The following ERC1 variants were observed in gnomAD, a reference collection of about 807,000 sequenced individuals.
ERC1 encodes RAB6 interacting protein 2.
A neutral mutation model predicts 132.0 loss-of-function variants in ERC1; 56 were observed. The ratio of observed to expected loss-of-function variants is 0.42; its 90% CI spans 0.34 to 0.53. The LOEUF (loss-of-function observed/expected upper bound fraction) is 0.53, where lower values mean the gene tolerates loss of function less well. Ranked by LOEUF, ERC1 falls within the 20% of genes least tolerant of loss-of-function variation. ERC1 has a pLI of 0.03. For missense variants in ERC1, 1,202 were observed against 1,349.9 expected (o/e 0.89, Z 1.72); for synonymous variants, 478 against 476.1 (o/e 1.00, Z -0.05).
chr12:1,240,680 G>A lies in ERC1; in HGVS notation c.2487+3776G>A, dbSNP rs542954713. Among the ~76,000 whole-genome samples the A allele has an allele frequency of 1.2e-4, 18 of 152,088 alleles. No homozygotes were observed. The South Asian group carries it at 3.5e-3, about 30-fold the overall frequency. On this transcript the variant is annotated intron_variant, in intron 13 of 18. Transcript: ENST00000360905. ...AGTTGGTTTCTTCTGTTTTTAAACTGAAGGTCATATAGCTTTGGTCGTATA... is the reference window on the plus strand; with the variant it reads ...AGTTGGTTTCTTCTGTTTTTAAACTAAAGGTCATATAGCTTTGGTCGTATA...
At chr12:1,389,446 TC>T (rs1337471980) in intron 16 of ERC1, among the ~76,000 whole-genome samples, 3 of 152,248 alleles carry the variant, frequency 2.0e-5, no homozygotes, top group Non-Finnish European at 4.4e-5. Flanking sequence ...CACAGGCCAT[TC>T]TTTTCATCCT....
chr12:1,130,487 G>T (rs1326145934), intron 7 of ERC1, among the ~76,000 whole-genome samples: 1 of 152,134 alleles, frequency 6.6e-6, no homozygotes, highest in Non-Finnish European at 1.5e-5. Flanking sequence ...GAGTTCCTTG[G>T]GGCTGCATAC....
At chr12:1,202,181 G>A (rs1282636689) in intron 12 of ERC1, among the ~76,000 whole-genome samples, 2 of 152,146 alleles carry the variant, frequency 1.3e-5, no homozygotes, top group Non-Finnish European at 2.9e-5. Context: ...AAAGCTTTTT[G>A]TAGTCAGTTC....
intron 12 of ERC1, among the ~76,000 whole-genome samples, chr12:1,211,999 G>T (rs1957925641): frequency 1.5e-5 from 1 of 65,422 alleles, no homozygotes; most frequent in Admixed American, 1.3e-4. Context: ...TGATGCAACA[G>T]TAGAGTAAGT....
At chr12:1,410,078 T>C (rs1221497165) in intron 17 of ERC1, among the ~76,000 whole-genome samples, 3 of 152,196 alleles carry the variant, frequency 2.0e-5, no homozygotes, top group Non-Finnish European at 2.9e-5. Flanking sequence ...GTGTAAATAG[T>C]TGTTATACTG....
Position 1,482,310 on chromosome 12 carries a change from A to C in ERC1, c.3214-7783A>C, listed in dbSNP as rs7131979. Among the ~76,000 whole-genome samples, 552 of 137,712 alleles carry C rather than the reference A, an allele frequency of 4.0e-3. 2 individuals carry two copies. Among genetic ancestry groups the C allele is most frequent in the African/African-American group, 7.8e-3 (303 of 39,010 alleles). 90.3% of individuals were successfully genotyped at this position (137,712 alleles called of 152,430 possible). ...GTCCCCTGCTGTCAAGAAAATACCC[A>C]CCCCCCCAACCCTGCCTTCCTTTCT... On this transcript the variant is annotated intron_variant, in intron 18 of 18. Coordinates refer to ENST00000360905, the MANE Select transcript of ERC1 (RefSeq NM_178040.4).
chr12:1,341,862 A>G (rs2083932832), intron 15 of ERC1, among the ~76,000 whole-genome samples: 1 of 152,192 alleles, frequency 6.6e-6, no homozygotes, highest in African/African-American at 2.4e-5. Context: ...TATTTTTCAT[A>G]AATTCTGTTG....
chr12:1,270,137 TA>T (rs1427679806), intron 14 of ERC1, among the ~76,000 whole-genome samples: 1 of 152,194 alleles, frequency 6.6e-6, no homozygotes, highest in Non-Finnish European at 1.5e-5. Context: ...CCTATCCATT[TA>T]TATGATGAAG....
At chr12:1,192,299 T>C (rs1407900768) in intron 12 of ERC1, among the ~76,000 whole-genome samples, 1 of 152,262 alleles carries the variant, frequency 6.6e-6, no homozygotes, top group African/African-American at 2.4e-5. Flanking sequence ...TTTTATAAAC[T>C]GAGCTCTGCT....
At chr12:1,337,467 C>T (rs996940353) in intron 15 of ERC1, among the ~76,000 whole-genome samples, 5 of 152,080 alleles carry the variant, frequency 3.3e-5, no homozygotes, top group Non-Finnish European at 5.9e-5. Flanking sequence ...GAAGATAGCA[C>T]ACTGGTGGGT....
At chr12:1,105,439 G>A (rs1945144010) in intron 4 of ERC1, among the ~76,000 whole-genome samples, 1 of 151,952 alleles carries the variant, frequency 6.6e-6, no homozygotes, top group South Asian at 2.1e-4. Flanking sequence ...CTCACTGCAA[G>A]CTCCGTCTCC....
At chr12:1,201,664 C>T (rs1362412219) in intron 12 of ERC1, among the ~76,000 whole-genome samples, 1 of 152,060 alleles carries the variant, frequency 6.6e-6, no homozygotes, top group Middle Eastern at 3.2e-3. Context: ...AAATGTAAAC[C>T]TAGGTATTTA....
intron 4 of ERC1, among the ~76,000 whole-genome samples, chr12:1,106,416 T>G (rs892300920): frequency 6.6e-5 from 10 of 152,236 alleles, no homozygotes; most frequent in African/African-American, 2.4e-4. Context: ...TTAATATTTG[T>G]TGATATGACA....
chr12:1,247,429 C>T (rs2076222114), intron 13 of ERC1, among the ~76,000 whole-genome samples: 1 of 152,178 alleles, frequency 6.6e-6, no homozygotes, highest in Admixed American at 6.5e-5. Flanking sequence ...CAGATGGGCA[C>T]TGTTCTGTTT....
In ERC1 at chr12:1,110,340, A is replaced by T; in HGVS notation, c.1310A>T (p.Lys437Ile). ...EVYRSHSKFMKNKVEQLKEEL... is the reference protein window; with the variant it reads ...EVYRSHSKFMINKVEQLKEEL... The stretch of plus-strand genomic sequence containing the variant: ...TATCGGAGCCATTCTAAATTTATGA[A>T]AAATAAGGTAATGGCATGTGAGACT... The change falls in exon 5 of 19, where the codon AAA (lysine) becomes ATA (isoleucine). Residue 437 changes from lysine to isoleucine, a missense_variant. Transcript: ENST00000360905. 1 of 1,601,646 alleles carries T rather than the reference A, an allele frequency of 6.2e-7. No homozygotes were observed. Among genetic ancestry groups the T allele is most frequent in the Non-Finnish European group, 8.5e-7 (1 of 1,175,916 alleles).
At chr12:1,269,076 C>T (rs2077651378) in intron 14 of ERC1, among the ~76,000 whole-genome samples, 1 of 152,206 alleles carries the variant, frequency 6.6e-6, no homozygotes, top group African/African-American at 2.4e-5. Context: ...CTCATTTATT[C>T]ATTCAACAGA....
rs1225328889 is a variant in ERC1, at chr12:1,341,861, T to TA, written c.2781-29969dup. ...TGGGATCAGCCTGGAATATTTTTCA[T>TA]AAATTCTGTTGACAGTTTCTTGCTG... On this transcript the variant is annotated intron_variant, in intron 15 of 18. Transcript: ENST00000360905. 2.6e-5 allele frequency among the ~76,000 whole-genome samples: 4 copies of TA among 152,340 alleles called. No individual in the cohort carries two copies. In the South Asian group the frequency reaches 6.2e-4, roughly 24 times the overall value.
chr12:1,380,528 C>G (rs180730009), intron 16 of ERC1: 2 of 152,286 alleles, frequency 1.3e-5, no homozygotes, highest in Non-Finnish European at 2.9e-5. Flanking sequence ...TGAGCCCTCT[C>G]TGTCTTAGCT....
chr12:1,082,770 G>T (rs958485747), intron 2 of ERC1, among the ~76,000 whole-genome samples: 1 of 152,150 alleles, frequency 6.6e-6, no homozygotes, highest in African/African-American at 2.4e-5. Flanking sequence ...AATTACACAG[G>T]TGTGAGCCAC....
Sources: gnomAD v4.1 joint callset for allele counts (sites outside exome capture counted in the v4.1 genomes callset) on GRCh38, gnomAD v4.1.1 for gene constraint, MANE v1.5 for transcripts, NCBI Gene and HGNC (gene_info 2026-07-23, HGNC 2026-07-21) for gene names.